Variants in LRFN5 observed in about 807,000 individuals in gnomAD.
LRFN5 encodes the protein leucine-rich repeat and fibronectin type-III domain-containing protein 5.
Under a neutral mutation model 45.6 loss-of-function variants are expected in LRFN5, and 24 were observed. The observed-to-expected ratio is 0.53, with a 90% CI of 0.38 to 0.74. The LOEUF is 0.74. LRFN5 is among the 30% of genes least tolerant of loss of function. The probability of loss-of-function intolerance (pLI) is 0.00; values close to 1 mark genes in which losing one functional copy is unlikely to be tolerated. For synonymous variants in LRFN5, 340 were observed against 313.8 expected, an observed-to-expected ratio of 1.08 and a Z score of -0.88; for missense variants, 776 against 861.5, an observed-to-expected ratio of 0.90 and a Z score of 1.24.
chr14:41,702,784 T>C lies in LRFN5; in HGVS notation c.-196-64070T>C, dbSNP rs144270053. ...CCAGAATGAATGTGTTTTATAAGCATAATCACACTAATTTCTACAGTACTT... is the reference window on the plus strand; with the variant it reads ...CCAGAATGAATGTGTTTTATAAGCACAATCACACTAATTTCTACAGTACTT... On this transcript the variant is annotated intron_variant, in intron 1 of 5. Coordinates refer to ENST00000298119, the MANE Select transcript of LRFN5 (RefSeq NM_152447.5). Among the ~76,000 whole-genome samples the C allele has an allele frequency of 1.6e-3, 250 of 151,928 alleles. 1 individual carries two copies. Among genetic ancestry groups the C allele is most frequent in the African/African-American group, 4.8e-3 (199 of 41,452 alleles).
intron 4 of LRFN5, chr14:41,893,081 A>G (rs1030397525): frequency 7.2e-5 from 71 of 984,590 alleles, no homozygotes; most frequent in Non-Finnish European, 8.1e-5. Flanking sequence ...TTTTTTTCCC[A>G]TTTGCACTAT....
At chr14:41,693,375 T>G (rs967672295) in intron 1 of LRFN5, among the ~76,000 whole-genome samples, 3 of 152,086 alleles carry the variant, frequency 2.0e-5, no homozygotes, top group African/African-American at 7.2e-5. Flanking sequence ...GAGTCTTCCA[T>G]TTGCTTTTAT....
intron 1 of LRFN5, among the ~76,000 whole-genome samples, chr14:41,650,270 A>C (rs113572548): frequency 0.54 from 71,217 of 131,882 alleles, 18,546 homozygotes; most frequent in East Asian, 0.75. Flanking sequence ...CACACACAAA[A>C]AAAAAAAAGA....
At chr14:41,839,205 A>G (rs1888771236) in intron 2 of LRFN5, among the ~76,000 whole-genome samples, 1 of 152,130 alleles carries the variant, frequency 6.6e-6, no homozygotes, top group African/African-American at 2.4e-5. Context: ...TCCTCTTTGC[A>G]TGTATAAACA....
At chr14:41,882,082 C>G (rs1013356782) in intron 2 of LRFN5, among the ~76,000 whole-genome samples, 1 of 152,106 alleles carries the variant, frequency 6.6e-6, no homozygotes, top group Non-Finnish European at 1.5e-5. Context: ...GATCTGTGCC[C>G]TGTGGTGGTT....
chr14:41,695,957 T>C (rs1179697297), intron 1 of LRFN5, among the ~76,000 whole-genome samples: 1 of 151,922 alleles, frequency 6.6e-6, no homozygotes, highest in East Asian at 1.9e-4. Context: ...GCAAAGTAAA[T>C]TAAAAAGCTT....
chr14:41,857,686 A>C (rs143801696), intron 2 of LRFN5, among the ~76,000 whole-genome samples: 1 of 152,226 alleles, frequency 6.6e-6, no homozygotes, highest in East Asian at 1.9e-4. Flanking sequence ...GGACTTGTTC[A>C]TCACACAATT....
chr14:41,817,796 A>T (rs995799530), intron 2 of LRFN5, among the ~76,000 whole-genome samples: 4 of 152,120 alleles, frequency 2.6e-5, no homozygotes, highest in African/African-American at 4.8e-5. Flanking sequence ...AGGGCCCCTG[A>T]TGACTAGGTT....
intron 2 of LRFN5, among the ~76,000 whole-genome samples, chr14:41,871,192 A>G (rs868585212): frequency 6.6e-6 from 1 of 152,186 alleles, no homozygotes; most frequent in Non-Finnish European, 1.5e-5. Flanking sequence ...TCATTAAAAA[A>G]AATGCTTGCA....
chr14:41,702,933 G>A (rs1013746185), intron 1 of LRFN5, among the ~76,000 whole-genome samples: 4 of 152,000 alleles, frequency 2.6e-5, no homozygotes, highest in Admixed American at 2.6e-4. Flanking sequence ...AGTTCAAAGT[G>A]TATTTTTACC....
intron 1 of LRFN5, among the ~76,000 whole-genome samples, chr14:41,765,225 C>G (rs1885831763): frequency 6.6e-6 from 1 of 151,808 alleles, no homozygotes; most frequent in Admixed American, 6.6e-5. Context: ...GCCTGTATTC[C>G]CAGCTACTCG....
intron 2 of LRFN5, among the ~76,000 whole-genome samples, chr14:41,792,119 C>G (rs184595548): frequency 1.7e-4 from 26 of 152,080 alleles, no homozygotes; most frequent in African/African-American, 6.0e-4. Flanking sequence ...CATCACATAT[C>G]GGTAGGACCA....
rs574321270 is a variant in LRFN5, at chr14:41,620,866, A to T, written c.-197+12304A>T. On this transcript the variant is annotated intron_variant, in intron 1 of 5. Coordinates refer to ENST00000298119, the MANE Select transcript of LRFN5 (RefSeq NM_152447.5). ...TATATTAAACAAAGGAAGCAGATTC[A>T]AGGGCAATTTAAAACCAAGATAGGA... Among the ~76,000 whole-genome samples, 6 of 152,092 alleles carry T rather than the reference A, an allele frequency of 3.9e-5. 1 individual carries two copies. The Middle Eastern group carries it at 0.01, about 259-fold the overall frequency.
chr14:41,771,554 A>G (rs1475239913), intron 2 of LRFN5, among the ~76,000 whole-genome samples: 1 of 152,084 alleles, frequency 6.6e-6, no homozygotes, highest in African/African-American at 2.4e-5. Context: ...TTTCTGCCAG[A>G]TACCCTAAGT....
intron 2 of LRFN5, among the ~76,000 whole-genome samples, chr14:41,796,762 C>T (rs746762663): frequency 4.0e-5 from 6 of 151,850 alleles, no homozygotes; most frequent in Non-Finnish European, 5.9e-5. Context: ...GCAACATTTT[C>T]GCCCATCTGA....
intron 1 of LRFN5, among the ~76,000 whole-genome samples, chr14:41,751,923 A>G (rs1885151734): frequency 6.6e-6 from 1 of 151,946 alleles, no homozygotes; most frequent in Non-Finnish European, 1.5e-5. Flanking sequence ...TCTCCCGCCA[A>G]CCCACAACAG....
At position 41,717,435 on chromosome 14, in the gene LRFN5, C is replaced by T. The variant is rs568571082; in HGVS notation, c.-196-49419C>T. On this transcript the variant is annotated intron_variant, in intron 1 of 5. Coordinates refer to ENST00000298119, the MANE Select transcript of LRFN5 (RefSeq NM_152447.5). Reference sequence around the variant, plus strand: ...CTTGCTAGATGTAAACACCAAAACACGTAGTTTTAAATTGCCACCTACATG... The same window carrying T: ...CTTGCTAGATGTAAACACCAAAACATGTAGTTTTAAATTGCCACCTACATG... Among the ~76,000 whole-genome samples the T allele has an allele frequency of 3.9e-5, 6 of 152,252 alleles. No individual in the cohort carries two copies. The South Asian group carries it at 8.3e-4, about 21-fold the overall frequency.
intron 1 of LRFN5, among the ~76,000 whole-genome samples, chr14:41,765,852 A>C (rs960005079): frequency 2.0e-5 from 3 of 152,168 alleles, no homozygotes; most frequent in Admixed American, 6.5e-5. Flanking sequence ...GTATTAAATT[A>C]AGCAATAGCT....
At position 41,795,716 on chromosome 14, in the gene LRFN5, A is replaced by G. The variant is rs182585152; in HGVS notation, c.-21+28687A>G. 3.8e-3 allele frequency among the ~76,000 whole-genome samples: 571 copies of G among 152,108 alleles called. 2 individuals are homozygous for G. Among genetic ancestry groups the G allele is most frequent in the Middle Eastern group, 0.01 (3 of 294 alleles). ...CCACATGTTCTCACTCATAGGTGGG[A>G]ATTGAACAATGAAAACACTTGGACA... On this transcript the variant is annotated intron_variant, in intron 2 of 5. Transcript: ENST00000298119.
Sources: allele counts gnomAD v4.1 joint callset (sites outside exome capture counted in the v4.1 genomes callset), GRCh38; gene constraint gnomAD v4.1.1; transcripts MANE v1.5; gene names NCBI Gene and HGNC (gene_info 2026-07-23, HGNC 2026-07-21).